Variants in INTS9 observed in about 807,000 individuals in gnomAD.
The protein encoded by INTS9 is integrator complex subunit 9, also known as protein related to CPSF subunits of 74 kDa.
Under a neutral mutation model 79.7 loss-of-function variants are expected in INTS9, and 55 were observed. The observed-to-expected ratio is 0.69, with a 90% CI of 0.56 to 0.86. The LOEUF (loss-of-function observed/expected upper bound fraction) is 0.86, where lower values mean the gene tolerates loss of function less well. Ranked by LOEUF, INTS9 falls within the 40% of genes least tolerant of loss-of-function variation. INTS9 has a pLI of 0.00. For missense variants in INTS9, 721 were observed against 831.5 expected (o/e 0.87, Z 1.64); for synonymous variants, 319 against 325.2 (o/e 0.98, Z 0.20).
chr8:28,826,356 C>T (rs142895898), intron 6 of INTS9, among the ~76,000 whole-genome samples: 338 of 152,240 alleles, frequency 2.2e-3, no homozygotes, highest in African/African-American at 4.8e-3. Context: ...CAACGTGTCC[C>T]GTCTGAACTG....
intron 9 of INTS9, among the ~76,000 whole-genome samples, chr8:28,796,291 CAG>C (rs1804211986): frequency 6.6e-6 from 1 of 152,180 alleles, no homozygotes; most frequent in Non-Finnish European, 1.5e-5. Context: ...GCCTGGGTGA[CAG>C]AGAAGACTCT....
At chr8:28,783,081 C>T (rs1347645506) in intron 11 of INTS9, among the ~76,000 whole-genome samples, 5 of 141,200 alleles carry the variant, frequency 3.5e-5, no homozygotes, top group South Asian at 4.6e-4. Flanking sequence ...GGAGGCGGAG[C>T]TTGCAGTGAG....
At chr8:28,843,983 G>T (rs1807347097) in intron 4 of INTS9, among the ~76,000 whole-genome samples, 1 of 152,162 alleles carries the variant, frequency 6.6e-6, no homozygotes, top group Non-Finnish European at 1.5e-5. Flanking sequence ...AGATCCATGA[G>T]AACTGCGAGA....
intron 8 of INTS9, among the ~76,000 whole-genome samples, chr8:28,810,934 C>G (rs1195602459): frequency 6.6e-6 from 1 of 152,180 alleles, no homozygotes; most frequent in Non-Finnish European, 1.5e-5. Flanking sequence ...GCTAACACTA[C>G]ATGACATGGT....
In INTS9 at chr8:28,812,339, G is replaced by A; in HGVS notation, c.732C>T (p.Thr244=). ...VSYVSGSSLL[T]THPQPMDQAS... is the part of the protein sequence containing the mutation. Reference sequence around the variant, plus strand: ...AATTTGGAATTACCTGGGGGTGTGTGGTAAGCAAGGAGGATCCAGAGACAT... The same window carrying A: ...AATTTGGAATTACCTGGGGGTGTGTAGTAAGCAAGGAGGATCCAGAGACAT... The change falls in exon 8 of 17, where the codon ACC becomes ACT. Residue 244 remains threonine, a synonymous_variant. Transcript: ENST00000521022. 6.2e-7 allele frequency: 1 copy of A among 1,613,908 alleles called. No individual in the cohort carries two copies. Among genetic ancestry groups the A allele is most frequent in the South Asian group, 1.1e-5 (1 of 91,030 alleles).
At chr8:28,868,604 T>C (rs1302920231) in intron 1 of INTS9, among the ~76,000 whole-genome samples, 4 of 152,240 alleles carry the variant, frequency 2.6e-5, no homozygotes, top group Non-Finnish European at 5.9e-5. Context: ...TGCTGATACA[T>C]TGATGTTAGC....
chr8:28,859,237 A>T (rs1435610208), intron 2 of INTS9, among the ~76,000 whole-genome samples, 199 bp downstream of exon 2: 1 of 152,242 alleles, frequency 6.6e-6, no homozygotes, highest in Non-Finnish European at 1.5e-5. Context: ...AGAAGAAGTT[A>T]TAATAAAGAA....
rs149380107 is a variant in INTS9 at position 28,802,446 on chromosome 8, C to G, written c.745-5791G>C. Among the ~76,000 whole-genome samples the G allele has an allele frequency of 2.9e-3, 435 of 152,268 alleles. 2 individuals carry two copies. Among genetic ancestry groups the G allele is most frequent in the African/African-American group, 9.8e-3 (407 of 41,550 alleles). On this transcript the variant is annotated intron_variant, in intron 8 of 16. Coordinates refer to ENST00000521022, the MANE Select transcript of INTS9 (RefSeq NM_018250.4). The stretch of plus-strand genomic sequence containing the variant: ...TCTCCTCTCCTTCTCCCTCATAGAC[C>G]CAAGGAACCTTAGAAACCAGAGAAC...
intron 6 of INTS9, among the ~76,000 whole-genome samples, chr8:28,834,579 C>T (rs181677936): frequency 2.6e-5 from 4 of 152,258 alleles, no homozygotes; most frequent in South Asian, 2.1e-4. Flanking sequence ...CTTCCAAGAC[C>T]CATCTTAACT....
rs1214169291 is a variant in INTS9 at position 28,793,988 on chromosome 8, C to G, written c.857-1G>C. The G allele has an allele frequency of 6.4e-7, 1 of 1,552,378 alleles. No individual in the cohort carries two copies. Reference sequence around the variant, plus strand: ...TTTCCTCCATTCCGGACTGTCAGAGCTAGAAAAGTGGATGCCAGAGGAGAA... The same window carrying G: ...TTTCCTCCATTCCGGACTGTCAGAGGTAGAAAAGTGGATGCCAGAGGAGAA... On this transcript the variant is annotated splice_acceptor_variant, in intron 9 of 16. Transcript: ENST00000521022. LOFTEE classifies it high-confidence loss of function.
intron 1 of INTS9, among the ~76,000 whole-genome samples, chr8:28,870,681 T>C (rs1339420998): frequency 6.6e-6 from 1 of 152,156 alleles, no homozygotes; most frequent in Non-Finnish European, 1.5e-5. Flanking sequence ...GACATCAAAA[T>C]CAATCATAAA....
intron 5 of INTS9, 79 bp downstream of exon 5, chr8:28,837,558 T>C (rs994547131): frequency 3.0e-5 from 44 of 1,473,852 alleles, no homozygotes; most frequent in Middle Eastern, 2.5e-4. Context: ...CCAGCCCTGG[T>C]ATAATACTGT....
Position 28,768,401 on chromosome 8 carries a change from G to A in INTS9, c.1801-79C>T, listed in dbSNP as rs762164605. 3.4e-5 allele frequency: 46 copies of A among 1,359,448 alleles called. 2 individuals carry two copies. In the South Asian group the frequency reaches 4.5e-4, roughly 13 times the overall value. 84.2% of individuals were successfully genotyped at this position (1,359,448 alleles called of 1,614,324 possible). On this transcript the variant is annotated intron_variant, in intron 16 of 16. Coordinates refer to ENST00000521022, the MANE Select transcript of INTS9 (RefSeq NM_018250.4). ...TCTGTAAATGACACTTCACAGACTC[G>A]ACTGAACTTTCTAGAAACTGACACG...
At chr8:28,829,345 A>G (rs1806339110) in intron 6 of INTS9, among the ~76,000 whole-genome samples, 1 of 152,198 alleles carries the variant, frequency 6.6e-6, no homozygotes, top group South Asian at 2.1e-4. Context: ...CTTTTTCAAG[A>G]GTAAACTGCA....
chr8:28,873,576 A>C (rs1809205913), intron 1 of INTS9, among the ~76,000 whole-genome samples: 1 of 152,206 alleles, frequency 6.6e-6, no homozygotes, highest in African/African-American at 2.4e-5. Flanking sequence ...AAAATTATTG[A>C]CTGGGAAGGA....
At chr8:28,768,431 A>C in intron 16 of INTS9, 109 bp from the exon 17 acceptor site, 2 of 999,654 alleles carry the variant, frequency 2.0e-6, no homozygotes, top group Admixed American at 1.7e-5. Flanking sequence ...GACACGTCTC[A>C]ACACAATTCT....
chr8:28,814,284 T>TCA (rs60850682), intron 6 of INTS9, among the ~76,000 whole-genome samples: 5,991 of 134,150 alleles, frequency 0.045, 130 homozygotes, highest in East Asian at 0.11. Flanking sequence ...ACAGGGCTTC[T>TCA]CACACACACA....
intron 1 of INTS9, among the ~76,000 whole-genome samples, chr8:28,864,160 C>T (rs1808604026): frequency 6.6e-6 from 1 of 152,114 alleles, no homozygotes; most frequent in Non-Finnish European, 1.5e-5. Context: ...CTGGACAACA[C>T]AGTGAGACCC....
intron 3 of INTS9, among the ~76,000 whole-genome samples, chr8:28,848,819 C>T (rs1807671846): frequency 6.6e-6 from 1 of 152,138 alleles, no homozygotes; most frequent in Admixed American, 6.5e-5. Flanking sequence ...ATTTTATTCA[C>T]CACTCCCTTC....
Sources: gnomAD v4.1 joint callset for allele counts (sites outside exome capture counted in the v4.1 genomes callset) on GRCh38, gnomAD v4.1.1 for gene constraint, MANE v1.5 for transcripts, NCBI Gene and HGNC (gene_info 2026-07-23, HGNC 2026-07-21) for gene names.